The following RARG variants were observed in gnomAD, a reference collection of about 807,000 sequenced individuals.
RARG encodes RAR-gamma.
A neutral mutation model predicts 43.7 loss-of-function variants in RARG; 17 were observed. The observed-to-expected ratio is 0.39, with a 90% CI of 0.27 to 0.58. The LOEUF is 0.58. Ranked by LOEUF, RARG falls within the 20% of genes least tolerant of loss-of-function variation. The probability of loss-of-function intolerance (pLI) is 0.57; values close to 1 mark genes in which losing one functional copy is unlikely to be tolerated. For synonymous variants in RARG, 238 were observed against 236.4 expected, an observed-to-expected ratio of 1.01 and a Z score of -0.06; for missense variants, 346 against 598.7, an observed-to-expected ratio of 0.58 and a Z score of 4.40.
chr12:53,220,403 G>T, intron 3 of RARG: 4 of 143,374 alleles, frequency 2.8e-5, no homozygotes, highest in Non-Finnish European at 5.6e-5. Flanking sequence ...AGGGGTGGGG[G>T]GTGGGGCTTG....
intron 3 of RARG, among the ~76,000 whole-genome samples, chr12:53,221,948 G>A (rs1942977511): frequency 6.6e-6 from 1 of 151,486 alleles, no homozygotes; most frequent in Non-Finnish European, 1.5e-5. Flanking sequence ...TGCAGGAGTG[G>A]GGCGCCTGTT....
chr12:53,214,412 G>A (rs369628644), intron 6 of RARG, 34 bp downstream of exon 6: 6 of 1,600,032 alleles, frequency 3.7e-6, no homozygotes, highest in Non-Finnish European at 5.1e-6. Flanking sequence ...AGTGAAGAGT[G>A]CCCTGCCCTC....
intron 2 of RARG, among the ~76,000 whole-genome samples, chr12:53,230,340 G>T (rs1034084481): frequency 9.2e-5 from 14 of 151,992 alleles, no homozygotes; most frequent in Non-Finnish European, 1.9e-4. Context: ...CGGATGGAGG[G>T]GGGTGTGTTT....
In RARG at chr12:53,210,758, CAG is replaced by C. The variant is rs1352284035; in HGVS notation, c.*916_*917del. On this transcript the variant is annotated 3_prime_UTR_variant, in exon 10 of 10. Transcript: ENST00000425354. ...GATTGGAGGAAGAAAGGAGGGGTCA[CAG>C]GGGCCCTGGGCTCCCCCACCCAAGA... 2.0e-5 allele frequency: 3 copies of C among 152,790 alleles called. No individual in the cohort carries two copies. The highest frequency in any genetic ancestry group is 4.4e-5 in the Non-Finnish European group (3 of 68,076). The allele number at this position is 152,790 out of a possible 1,614,324, so 9.5% of individuals were successfully genotyped here. A position where few individuals can be genotyped will look rare whatever the true frequency, so the allele number is the denominator to read the frequency against.
chr12:53,216,884 C>T (rs1488999534), intron 3 of RARG, among the ~76,000 whole-genome samples: 4 of 151,104 alleles, frequency 2.6e-5, no homozygotes, highest in Non-Finnish European at 5.9e-5. Context: ...TTCAGAGGCT[C>T]GGAAAATTTG....
At chr12:53,222,339 A>C (rs1942997281) in intron 3 of RARG, among the ~76,000 whole-genome samples, 1 of 152,204 alleles carries the variant, frequency 6.6e-6, no homozygotes, top group Non-Finnish European at 1.5e-5. Context: ...TCTGAATCAG[A>C]ATCTGACCAG....
At chr12:53,231,804 G>A (rs539515878) in intron 1 of RARG, among the ~76,000 whole-genome samples, 170 bp downstream of exon 1, 1 of 152,370 alleles carries the variant, frequency 6.6e-6, no homozygotes, top group African/African-American at 2.4e-5. Context: ...CCTTCCCACA[G>A]CAGGACTGGC....
chr12:53,214,646 G>A, intron 5 of RARG, 40 bp from the exon 6 acceptor site: 1 of 1,564,258 alleles, frequency 6.4e-7, no homozygotes, highest in East Asian at 2.3e-5. Flanking sequence ...AGGACCCTCA[G>A]AGCCTCCCTT....
intron 3 of RARG, among the ~76,000 whole-genome samples, chr12:53,225,047 G>C (rs1323408955): frequency 6.6e-6 from 1 of 152,118 alleles, no homozygotes; most frequent in Non-Finnish European, 1.5e-5. Context: ...CCCAGAACCT[G>C]AGAAAATCAA....
intron 3 of RARG, among the ~76,000 whole-genome samples, chr12:53,221,925 C>T (rs984608349): frequency 3.3e-5 from 5 of 151,350 alleles, no homozygotes; most frequent in African/African-American, 1.2e-4. Context: ...GGGTGGGGGG[C>T]GCACTGGGGT....
rs1467202260 is a variant in RARG at position 53,213,400 on chromosome 12, C to G, written c.1018+96G>C. On this transcript the variant is annotated intron_variant, in intron 8 of 9. Coordinates refer to ENST00000425354, the MANE Select transcript of RARG (RefSeq NM_000966.6). This position sits in a 1 kb window ranked among gnomAD's most constrained non-coding sequence, Gnocchi z 4.7. ...TGCAAGAATTACCAGCAGAAGAGAC[C>G]ACTGGGTCCTCCACGCCCCCTCCCA... 6.6e-7 allele frequency: 1 copy of G among 1,506,532 alleles called. No homozygotes were observed. 93.3% of individuals were successfully genotyped at this position (1,506,532 alleles called of 1,614,324 possible). A position where few individuals can be genotyped will look rare whatever the true frequency, so the allele number is the denominator to read the frequency against.
Position 53,211,655 on chromosome 12 carries a change from C to A in RARG, c.*21G>T. On this transcript the variant is annotated 3_prime_UTR_variant, in exon 10 of 10. Transcript: ENST00000425354. This position sits in a 1 kb window ranked among gnomAD's most constrained non-coding sequence, Gnocchi z 4.6. The stretch of plus-strand genomic sequence containing the variant: ...CTGCCTGAAGCCCCAACCCCCACAG[C>A]GGGGAGGTCAGGGGCCCTGGTCAGG... 1 of 1,441,714 alleles carries A rather than the reference C, an allele frequency of 6.9e-7. No homozygotes were observed. The highest frequency in any genetic ancestry group is 9.1e-7 in the Non-Finnish European group (1 of 1,097,754). The allele number at this position is 1,441,714 out of a possible 1,614,324, so 89.3% of individuals were successfully genotyped here.
At chr12:53,221,663 C>A (rs1942966580) in intron 3 of RARG, among the ~76,000 whole-genome samples, 1 of 150,912 alleles carries the variant, frequency 6.6e-6, no homozygotes, top group Non-Finnish European at 1.5e-5. Context: ...TTTGCCCTGG[C>A]CCGGCAGGGC....
chr12:53,215,248 G>C lies in RARG; in HGVS notation c.475+45C>G, dbSNP rs779480223. ...AGAGGAAAGAGGGCCACAGCCATAG[G>C]GTAGGACCGAAGTGCTCCTGCCCAA... On this transcript the variant is annotated intron_variant, in intron 5 of 9. Coordinates refer to ENST00000425354, the MANE Select transcript of RARG (RefSeq NM_000966.6). The surrounding 1 kb of genome is among the most constrained non-coding windows in gnomAD (Gnocchi z 6.4). The C allele has an allele frequency of 6.2e-7, 1 of 1,604,092 alleles. No homozygotes were observed. The highest frequency in any genetic ancestry group is 8.5e-7 in the Non-Finnish European group (1 of 1,174,698).
rs1299474054 is a variant in RARG at position 53,215,832 on chromosome 12, G to A, written c.185-38C>T. On this transcript the variant is annotated intron_variant, in intron 3 of 9. Coordinates refer to ENST00000425354, the MANE Select transcript of RARG (RefSeq NM_000966.6). This position sits in a 1 kb window ranked among gnomAD's most constrained non-coding sequence, Gnocchi z 6.4. ...CAGTGATGTGAGGGTCAGGGGAGAA[G>A]GACCCCACAGACCTCCAGGCTTCCT... The A allele has an allele frequency of 6.4e-7, 1 of 1,554,226 alleles. No individual in the cohort carries two copies. Among genetic ancestry groups the A allele is most frequent in the South Asian group, 1.2e-5 (1 of 82,290 alleles).
rs1217561556 is a variant in RARG, at chr12:53,220,180, C to A, written c.185-4386G>T. On this transcript the variant is annotated intron_variant, in intron 3 of 9. Coordinates refer to ENST00000425354, the MANE Select transcript of RARG (RefSeq NM_000966.6). ...GATTCCCCCTCCTCCCCCGGCGGCG[C>A]CCCGCTCCAGCAGGGGGGGAGGGGG... The A allele has an allele frequency of 3.2e-6, 5 of 1,549,076 alleles. No homozygotes were observed. The South Asian group carries it at 4.8e-5, about 15-fold the overall frequency.
chr12:53,226,491 C>A (rs1207097317), intron 3 of RARG, among the ~76,000 whole-genome samples: 3 of 152,106 alleles, frequency 2.0e-5, no homozygotes, highest in African/African-American at 7.2e-5. Flanking sequence ...CCATACCCGG[C>A]TAATTTTTGT....
At chr12:53,222,237 A>G (rs1242894346) in intron 3 of RARG, among the ~76,000 whole-genome samples, 1 of 151,500 alleles carries the variant, frequency 6.6e-6, no homozygotes, top group Non-Finnish European at 1.5e-5. Flanking sequence ...AAGAGAGAGA[A>G]AGAAAAGAAA....
intron 3 of RARG, chr12:53,220,008 G>A (rs940814852): frequency 6.6e-7 from 1 of 1,525,796 alleles, no homozygotes; most frequent in Non-Finnish European, 8.8e-7. Flanking sequence ...AACAGGAGCC[G>A]CCGGTGGCTC....
Sources: allele counts gnomAD v4.1 joint callset (sites outside exome capture counted in the v4.1 genomes callset), GRCh38; gene constraint gnomAD v4.1.1; non-coding constraint Gnocchi (gnomAD v3.1); transcripts MANE v1.5; gene names NCBI Gene and HGNC (gene_info 2026-07-23, HGNC 2026-07-21).